LRP8: variants seen among roughly 807,000 people sequenced by gnomAD.
LRP8 encodes the protein low-density lipoprotein receptor-related protein 8.
In LRP8, 46 loss-of-function variants were observed where a neutral mutation model predicts 111.6. The ratio of observed to expected loss-of-function variants is 0.41; its 90% CI spans 0.33 to 0.53. The LOEUF (loss-of-function observed/expected upper bound fraction) is 0.53. Ranked by LOEUF, LRP8 falls within the 20% of genes least tolerant of loss-of-function variation. The probability of loss-of-function intolerance (pLI) is 0.20; values close to 1 mark genes in which losing one functional copy is unlikely to be tolerated. For missense variants in LRP8, 959 were observed against 1,297.4 expected (o/e 0.74, Z 4.01); for synonymous variants, 464 against 511.2 (o/e 0.91, Z 1.24).
chr1:53,298,327 T>C (rs1283028945), intron 2 of LRP8, among the ~76,000 whole-genome samples: 5 of 152,142 alleles, frequency 3.3e-5, no homozygotes, highest in African/African-American at 1.2e-4. Context: ...GCAGGAGGTA[T>C]TGAACGAGTG....
chr1:53,295,154 C>G (rs1649462609), intron 2 of LRP8, among the ~76,000 whole-genome samples: 1 of 152,194 alleles, frequency 6.6e-6, no homozygotes, highest in Admixed American at 6.5e-5. Flanking sequence ...CAGGCGAGGG[C>G]CACCTGACCT....
At chr1:53,287,220 A>AGT (rs965211755) in intron 3 of LRP8, among the ~76,000 whole-genome samples, 11 of 152,360 alleles carry the variant, frequency 7.2e-5, no homozygotes, top group African/African-American at 2.6e-4. Context: ...GTTGGGAAGC[A>AGT]GTGAGCAAGC....
intron 12 of LRP8, among the ~76,000 whole-genome samples, chr1:53,261,701 A>G (rs1646345780): frequency 6.6e-6 from 1 of 152,226 alleles, no homozygotes; most frequent in Non-Finnish European, 1.5e-5. Context: ...CATTTCCTCC[A>G]GTAAATGATT....
intron 1 of LRP8, chr1:53,327,498 C>G (rs1933534): frequency 3.1e-6 from 1 of 326,460 alleles, no homozygotes. Flanking sequence ...AATCACACAG[C>G]TCATCCGGAA....
intron 2 of LRP8, among the ~76,000 whole-genome samples, chr1:53,302,455 G>A (rs1045975981): frequency 2.6e-5 from 4 of 152,066 alleles, no homozygotes; most frequent in African/African-American, 7.2e-5. Context: ...TTTTACAGCC[G>A]GGGCACTGAG....
At chr1:53,281,965 T>C (rs112788505) in intron 3 of LRP8, among the ~76,000 whole-genome samples, 13 of 152,306 alleles carry the variant, frequency 8.5e-5, no homozygotes, top group African/African-American at 2.9e-4. Flanking sequence ...TAAAGAGCAG[T>C]GTTAGGATTG....
At chr1:53,324,015 C>T (rs902562737) in intron 2 of LRP8, among the ~76,000 whole-genome samples, 5 of 152,210 alleles carry the variant, frequency 3.3e-5, no homozygotes, top group East Asian at 1.9e-4. Flanking sequence ...TTTTGCCTCA[C>T]GCAGACTCTA....
intron 2 of LRP8, 59 bp downstream of exon 2, chr1:53,326,814 G>C (rs1655190733): frequency 1.9e-5 from 30 of 1,558,306 alleles, no homozygotes; most frequent in Non-Finnish European, 2.6e-5. Context: ...CGCCAAGCAT[G>C]GTGCCCCCCA....
At chr1:53,313,326 A>G (rs1345443024) in intron 2 of LRP8, among the ~76,000 whole-genome samples, 1 of 151,960 alleles carries the variant, frequency 6.6e-6, no homozygotes, top group African/African-American at 2.4e-5. Flanking sequence ...CCAGGGACTC[A>G]CAGAAAACCA....
chr1:53,324,292 C>T (rs923962696), intron 2 of LRP8, among the ~76,000 whole-genome samples: 1 of 152,170 alleles, frequency 6.6e-6, no homozygotes, highest in Non-Finnish European at 1.5e-5. Flanking sequence ...GCCTAGAATG[C>T]GGGAAGGGCT....
rs1648260805 is a variant in LRP8, at chr1:53,289,592, G to C, written c.342C>G (p.Gly114=). 2 of 1,608,440 alleles carry C rather than the reference G, an allele frequency of 1.2e-6. No individual in the cohort carries two copies. Among genetic ancestry groups the C allele is most frequent in the Non-Finnish European group, 1.7e-6 (2 of 1,177,482 alleles). ...KCDGEEECPD[G]SDESEATCTK... is the part of the protein sequence containing the mutation. Reference sequence around the variant, plus strand: ...TGCAAGTGGCCTCGGACTCATCGGAGCCATCAGGACACTCCTCCTCGCCGT... The same window carrying C: ...TGCAAGTGGCCTCGGACTCATCGGACCCATCAGGACACTCCTCCTCGCCGT... Residue 114 remains glycine (G), a synonymous_variant, in exon 3 of 19, where the codon GGC becomes GGG. Coordinates refer to ENST00000306052, the MANE Select transcript of LRP8 (RefSeq NM_004631.5).
intron 14 of LRP8, 57 bp from the exon 15 acceptor site, chr1:53,257,521 T>C (rs1572442819): frequency 1.5e-6 from 2 of 1,336,402 alleles, no homozygotes; most frequent in East Asian, 2.4e-5. Context: ...GCCTAAGGTA[T>C]TGCCTCTGAG....
chr1:53,276,948 G>A lies in LRP8; in HGVS notation c.627C>T (p.Arg209=). The change falls in exon 5 of 19, where the codon CGC becomes CGT. Residue 209 remains arginine, a synonymous_variant. Transcript: ENST00000306052. ...CGCCATCGCCGCCGCAGCGGAACTCGCGGGGCCCGCAGGCCGGGTCTGCAC... is the reference window on the plus strand; with the variant it reads ...CGCCATCGCCGCCGCAGCGGAACTCACGGGGCCCGCAGGCCGGGTCTGCAC... The part of the protein sequence containing the change: ...RGCADPACGP[R]EFRCGGDGGG... 1 of 1,470,388 alleles carries A rather than the reference G, an allele frequency of 6.8e-7. No individual in the cohort carries two copies. The highest frequency in any genetic ancestry group is 2.3e-5 in the Admixed American group (1 of 44,162). The allele number at this position is 1,470,388 out of a possible 1,614,324, so 91.1% of individuals were successfully genotyped here. A position where few individuals can be genotyped will look rare whatever the true frequency, so the allele number is the denominator to read the frequency against.
Position 53,250,986 on chromosome 1 carries a change from G to C in LRP8, c.2504-124C>G. 1.4e-6 allele frequency: 1 copy of C among 738,302 alleles called. No individual in the cohort carries two copies. Among genetic ancestry groups the C allele is most frequent in the Non-Finnish European group, 2.3e-6 (1 of 436,932 alleles). The allele number at this position is 738,302 out of a possible 1,614,324, so 45.7% of individuals were successfully genotyped here. A position where few individuals can be genotyped will look rare whatever the true frequency, so the allele number is the denominator to read the frequency against. On this transcript the variant is annotated intron_variant, in intron 16 of 18. Transcript: ENST00000306052. The surrounding 1 kb of genome is among the most constrained non-coding windows in gnomAD (Gnocchi z 4.6). ...TGCTCCTCAGGCTCTGTTTCTGCAT[G>C]TTCTTTTACTGCTGTTTGAAAGCCC...
At chr1:53,321,511 C>T (rs985174005) in intron 2 of LRP8, among the ~76,000 whole-genome samples, 7 of 152,146 alleles carry the variant, frequency 4.6e-5, no homozygotes, top group Non-Finnish European at 1.0e-4. Flanking sequence ...CCTTCAAGGG[C>T]GTGCCTGTTC....
intron 2 of LRP8, among the ~76,000 whole-genome samples, chr1:53,318,980 A>T (rs1180159114): frequency 6.6e-6 from 1 of 152,176 alleles, no homozygotes; most frequent in East Asian, 1.9e-4. Flanking sequence ...TTTCATTACA[A>T]GTGTAAAGTT....
Position 53,262,257 on chromosome 1 carries a change from G to GCT in LRP8, c.1775-52_1775-51dup. On this transcript the variant is annotated intron_variant, in intron 11 of 18. Transcript: ENST00000306052. This position sits in a 1 kb window ranked among gnomAD's most constrained non-coding sequence, Gnocchi z 4.8. ...CATGAACCTGGGACCCCAGTCTGGA[G>GCT]CTCTGTTCCTTTGTACCTCTCCCTG... 6.2e-7 allele frequency: 1 copy of GCT among 1,608,194 alleles called. No homozygotes were observed. The highest frequency in any genetic ancestry group is 1.1e-5 in the South Asian group (1 of 90,596).
chr1:53,291,226 G>A (rs1353956432), intron 2 of LRP8, among the ~76,000 whole-genome samples: 1 of 152,072 alleles, frequency 6.6e-6, no homozygotes, highest in Non-Finnish European at 1.5e-5. Flanking sequence ...AAGACGGCAG[G>A]GGGGTCTCTT....
rs1259881308 is a variant in LRP8, at chr1:53,262,729, C to G, written c.1656-165G>C. Reference sequence around the variant, plus strand: ...ACCATCAAATCTTAGATTTAGCAGGCACTTTAGCCTTCACCTCATTTGAGA... The same window carrying G: ...ACCATCAAATCTTAGATTTAGCAGGGACTTTAGCCTTCACCTCATTTGAGA... On this transcript the variant is annotated intron_variant, in intron 10 of 18. Transcript: ENST00000306052. The surrounding 1 kb of genome is among the most constrained non-coding windows in gnomAD (Gnocchi z 4.8). 6.6e-6 allele frequency among the ~76,000 whole-genome samples: 1 copy of G among 152,188 alleles called. No individual in the cohort carries two copies. The highest frequency in any genetic ancestry group is 1.5e-5 in the Non-Finnish European group (1 of 68,016).
Sources: allele counts gnomAD v4.1 joint callset (sites outside exome capture counted in the v4.1 genomes callset), GRCh38; gene constraint gnomAD v4.1.1; non-coding constraint Gnocchi (gnomAD v3.1); transcripts MANE v1.5; gene names NCBI Gene and HGNC (gene_info 2026-07-23, HGNC 2026-07-21).